Variants in EFCAB11 observed in about 807,000 individuals in gnomAD.
EFCAB11 encodes EF-hand calcium binding domain 11, also known as EF-hand calcium-binding domain-containing protein 11.
In EFCAB11, 14 loss-of-function variants were observed where a neutral mutation model predicts 23.0. The ratio of observed to expected loss-of-function variants is 0.61; its 90% CI spans 0.40 to 0.95. The LOEUF is 0.95. Ranked by LOEUF, EFCAB11 falls within the 40% of genes least tolerant of loss-of-function variation. The probability of loss-of-function intolerance (pLI) is 0.00; values close to 1 mark genes in which losing one functional copy is unlikely to be tolerated. For synonymous variants in EFCAB11, 65 were observed against 66.6 expected (o/e 0.98, Z 0.11); for missense variants, 198 against 195.8 (o/e 1.01, Z -0.07).
intron 5 of EFCAB11, among the ~76,000 whole-genome samples, chr14:89,891,237 A>C (rs1888954203): frequency 6.6e-6 from 1 of 152,206 alleles, no homozygotes; most frequent in Admixed American, 6.5e-5. Context: ...GTTTACAGGG[A>C]AACTAGTCAC....
intron 5 of EFCAB11, among the ~76,000 whole-genome samples, chr14:89,929,034 T>C (rs1017245255): frequency 1.4e-5 from 2 of 142,090 alleles, no homozygotes; most frequent in South Asian, 2.4e-4. Context: ...TACATACATA[T>C]ATATATATAT....
At chr14:89,807,658 G>C (rs939277533) in intron 5 of EFCAB11, among the ~76,000 whole-genome samples, 3 of 152,162 alleles carry the variant, frequency 2.0e-5, no homozygotes, top group Admixed American at 6.6e-5. Context: ...TACTTCCTCA[G>C]AGTCAGAAAA....
intron 5 of EFCAB11, among the ~76,000 whole-genome samples, chr14:89,910,120 T>C (rs1889628240): frequency 6.6e-6 from 1 of 152,226 alleles, no homozygotes; most frequent in African/African-American, 2.4e-5. Context: ...GTATCTGCAA[T>C]GCAGAAGATT....
chr14:89,940,371 A>G (rs1453306984), intron 3 of EFCAB11, among the ~76,000 whole-genome samples: 5 of 152,246 alleles, frequency 3.3e-5, no homozygotes, highest in Non-Finnish European at 2.9e-5. Context: ...GTTTTATGAC[A>G]GAAACTAAGA....
intron 1 of EFCAB11, chr14:89,954,372 G>T (rs919846624): frequency 1.3e-6 from 2 of 1,535,840 alleles, no homozygotes; most frequent in East Asian, 2.4e-5. Context: ...AGACTATATA[G>T]AGAGAAAGGA....
In EFCAB11 at chr14:89,953,949, A is replaced by G. The variant is rs1463630974; in HGVS notation, c.128T>C (p.Phe43Ser). 19 of 1,613,756 alleles carry G rather than the reference A, an allele frequency of 1.2e-5. No individual in the cohort carries two copies. The highest frequency in any genetic ancestry group is 1.6e-5 in the Non-Finnish European group (19 of 1,180,030). Reference protein sequence around the residue: ...DHKGYLSREDFKTAVVMLFGY... With the variant: ...DHKGYLSREDSKTAVVMLFGY... Reference sequence around the variant, plus strand: ...AAACAGCATTACAACAGCAGTTTTAAAGTCCTCTCTGCTGAGATATCCTTT... The same window carrying G: ...AAACAGCATTACAACAGCAGTTTTAGAGTCCTCTCTGCTGAGATATCCTTT... Residue 43 changes from phenylalanine (F) to serine (S), a missense_variant, in exon 2 of 6, where the codon TTT becomes TCT. Phe to Ser is a radical substitution (Grantham distance 155, BLOSUM62 -2). Coordinates refer to ENST00000316738, the MANE Select transcript of EFCAB11 (RefSeq NM_145231.4).
chr14:89,863,975 C>T (rs1888008101), intron 5 of EFCAB11, among the ~76,000 whole-genome samples: 1 of 152,134 alleles, frequency 6.6e-6, no homozygotes, highest in Admixed American at 6.5e-5. Flanking sequence ...TTTCTTTAAC[C>T]AATAACCCTT....
At chr14:89,810,163 A>G (rs1886103966) in intron 5 of EFCAB11, among the ~76,000 whole-genome samples, 1 of 152,142 alleles carries the variant, frequency 6.6e-6, no homozygotes, top group Non-Finnish European at 1.5e-5. Context: ...TGTTCCCAGT[A>G]TTTGGCACAG....
At chr14:89,868,443 T>A (rs887026523) in intron 5 of EFCAB11, among the ~76,000 whole-genome samples, 1 of 152,220 alleles carries the variant, frequency 6.6e-6, no homozygotes, top group Non-Finnish European at 1.5e-5. Flanking sequence ...CAATTTTGTA[T>A]GAAATTCCAT....
At chr14:89,802,541 G>A (rs528543934) in intron 5 of EFCAB11, among the ~76,000 whole-genome samples, 11 of 152,144 alleles carry the variant, frequency 7.2e-5, no homozygotes, top group East Asian at 3.9e-4. Flanking sequence ...ACAGGCATGC[G>A]CCACCAAGTC....
intron 5 of EFCAB11, among the ~76,000 whole-genome samples, chr14:89,891,934 C>G (rs1024949787): frequency 1.3e-5 from 2 of 152,050 alleles, no homozygotes; most frequent in African/African-American, 4.8e-5. Flanking sequence ...CGGTGGGCGC[C>G]GAGTGCTACC....
chr14:89,921,586 A>T (rs1344581068), intron 5 of EFCAB11, among the ~76,000 whole-genome samples: 2 of 152,206 alleles, frequency 1.3e-5, no homozygotes, highest in African/African-American at 4.8e-5. Context: ...TGCTGATGCC[A>T]CTGGTCTTTG....
intron 5 of EFCAB11, among the ~76,000 whole-genome samples, chr14:89,918,636 T>C (rs1382462298): frequency 6.6e-6 from 1 of 151,628 alleles, no homozygotes; most frequent in Non-Finnish European, 1.5e-5. Context: ...CATGATCCTC[T>C]CCATGAAGAA....
chr14:89,843,978 C>T (rs1234505557), intron 5 of EFCAB11, among the ~76,000 whole-genome samples: 9 of 152,166 alleles, frequency 5.9e-5, no homozygotes, highest in Non-Finnish European at 1.5e-5. Context: ...CAGTTGTTTT[C>T]CTTGAAATGA....
chr14:89,897,207 ATTT>A (rs1156731502), intron 5 of EFCAB11, among the ~76,000 whole-genome samples: 2 of 133,580 alleles, frequency 1.5e-5, no homozygotes, highest in Admixed American at 7.6e-5. Context: ...GTATATGTGC[ATTT>A]TTTTTTTTTT....
intron 5 of EFCAB11, among the ~76,000 whole-genome samples, chr14:89,925,106 T>C (rs1194284850): frequency 6.6e-6 from 1 of 152,252 alleles, no homozygotes; most frequent in Non-Finnish European, 1.5e-5. Context: ...AAAGGCTTTA[T>C]TGAGGAGGAC....
chr14:89,900,821 C>CT (rs1445994605), intron 5 of EFCAB11, among the ~76,000 whole-genome samples: 45 of 152,084 alleles, frequency 3.0e-4, no homozygotes, highest in Non-Finnish European at 5.3e-4. Context: ...TAAATTATTG[C>CT]TTTTTTTCTT....
chr14:89,894,067 C>T (rs1889079463), intron 5 of EFCAB11, among the ~76,000 whole-genome samples: 1 of 151,944 alleles, frequency 6.6e-6, no homozygotes, highest in Non-Finnish European at 1.5e-5. Context: ...GCAAGCTCCG[C>T]CTCCCGGGTT....
At chr14:89,840,572 T>C (rs1887225957) in intron 5 of EFCAB11, among the ~76,000 whole-genome samples, 1 of 152,242 alleles carries the variant, frequency 6.6e-6, no homozygotes, top group African/African-American at 2.4e-5. Context: ...GGAATGTTAA[T>C]TATGTAAGAC....
Sources: allele counts gnomAD v4.1 joint callset (sites outside exome capture counted in the v4.1 genomes callset), GRCh38; gene constraint gnomAD v4.1.1; transcripts MANE v1.5; gene names NCBI Gene and HGNC (gene_info 2026-07-23, HGNC 2026-07-21).